TMEM245: variants seen among roughly 807,000 people sequenced by gnomAD.
TMEM245 encodes the protein protein CG-2.
TMEM245 carries 69 observed loss-of-function variants against 101.2 expected under a neutral mutation model. That is an observed-to-expected ratio of 0.68 (90% CI 0.56 to 0.83). TMEM245 has a LOEUF of 0.83. TMEM245 is among the 40% of genes least tolerant of loss of function. The pLI is 0.00. For synonymous variants in TMEM245, 537 were observed against 449.8 expected (o/e 1.19, Z -2.45); for missense variants, 1,075 against 1,092.8 (o/e 0.98, Z 0.23).
rs138089477 is a variant in TMEM245, at chr9:109,081,332, G to A, written c.1345-389C>T. Among the ~76,000 whole-genome samples, 171 of 152,112 alleles carry A rather than the reference G, an allele frequency of 1.1e-3. 5 individuals carry two copies. In the East Asian group the frequency reaches 0.029, roughly 26 times the overall value. ...TATCATCAGTTTAACAAATACACAC[G>A]ACTTTAGCAAAAGTATATACAGATA... On this transcript the variant is annotated intron_variant, in intron 7 of 17. Coordinates refer to ENST00000374586, the MANE Select transcript of TMEM245 (RefSeq NM_032012.4).
In TMEM245 at chr9:109,119,652, C is replaced by G; in HGVS notation, c.262G>C (p.Val88Leu). The change falls in exon 1 of 18, where the codon GTG becomes CTG. Residue 88 changes from valine to leucine, a missense_variant. Val to Leu is a conservative substitution (Grantham distance 32). This residue lies in a region of TMEM245 where 808 missense variants were observed against 741.5 expected (regional missense o/e 1.09). Transcript: ENST00000374586. ...EAFLRPLLWA[V>L]LCGTFLHPFK... ...GGGTGCAGAAAAGTGCCGCATAGCA[C>G]GGCCCAGAGCAGCGGCCGCAGGAAG... The G allele has an allele frequency of 6.4e-7, 1 of 1,557,306 alleles. No individual in the cohort carries two copies. The highest frequency in any genetic ancestry group is 8.7e-7 in the Non-Finnish European group (1 of 1,153,322).
intron 17 of TMEM245, among the ~76,000 whole-genome samples, chr9:109,025,680 A>C (rs1564166670): frequency 6.6e-6 from 1 of 152,238 alleles, no homozygotes; most frequent in Non-Finnish European, 1.5e-5. Context: ...AAGTCTATCA[A>C]AGCAAGTCTG....
intron 7 of TMEM245, among the ~76,000 whole-genome samples, chr9:109,082,843 A>T (rs1409038355): frequency 3.3e-5 from 5 of 152,164 alleles, no homozygotes; most frequent in African/African-American, 1.2e-4. Flanking sequence ...ACAAGCCATA[A>T]AGGTTGAAAA....
chr9:109,071,440 CA>C (rs1397462267), intron 9 of TMEM245, among the ~76,000 whole-genome samples: 1 of 151,318 alleles, frequency 6.6e-6, no homozygotes, highest in African/African-American at 2.4e-5. Flanking sequence ...GAAACTCCTA[CA>C]AAAAATATAA....
At chr9:109,068,258 T>C (rs948634516) in intron 9 of TMEM245, among the ~76,000 whole-genome samples, 1 of 151,496 alleles carries the variant, frequency 6.6e-6, no homozygotes, top group Non-Finnish European at 1.5e-5. Context: ...TAGTCCCAGC[T>C]ACTCGGGAGG....
At chr9:109,057,089 T>A in intron 12 of TMEM245, 102 bp downstream of exon 12, 1 of 1,304,750 alleles carries the variant, frequency 7.7e-7, no homozygotes, top group Non-Finnish European at 1.0e-6. Context: ...GTCATGATGT[T>A]AAAAACAGGA....
chr9:109,073,157 T>C (rs1249498902), intron 9 of TMEM245, 199 bp downstream of exon 9: 4 of 560,356 alleles, frequency 7.1e-6, no homozygotes, highest in Non-Finnish European at 1.3e-5. Flanking sequence ...CCATGAATTG[T>C]ACCTAAAATC....
intron 17 of TMEM245, among the ~76,000 whole-genome samples, chr9:109,032,416 G>A (rs1255447813): frequency 3.2e-5 from 3 of 94,904 alleles, no homozygotes; most frequent in Admixed American, 3.2e-4. Flanking sequence ...CAAGAGTCTC[G>A]CTCTGTCACC....
At chr9:109,049,309 C>A (rs991979720) in intron 14 of TMEM245, among the ~76,000 whole-genome samples, 3 of 152,170 alleles carry the variant, frequency 2.0e-5, no homozygotes, top group Admixed American at 6.5e-5. Context: ...ATCTTCCAGG[C>A]TCAAGCAATC....
At chr9:109,028,531 AT>A (rs1448559875) in intron 17 of TMEM245, among the ~76,000 whole-genome samples, 1 of 151,850 alleles carries the variant, frequency 6.6e-6, no homozygotes, top group Non-Finnish European at 1.5e-5. Flanking sequence ...AAAATTTCTG[AT>A]TCTGGAGAGT....
At chr9:109,098,146 G>A (rs555790980) in intron 3 of TMEM245, among the ~76,000 whole-genome samples, 68 of 152,156 alleles carry the variant, frequency 4.5e-4, no homozygotes, top group Non-Finnish European at 7.6e-4. Context: ...TCTCCACAGA[G>A]CTAAGCAAAA....
chr9:109,066,463 A>T (rs1829169252), intron 9 of TMEM245, among the ~76,000 whole-genome samples: 1 of 150,924 alleles, frequency 6.6e-6, no homozygotes, highest in Admixed American at 6.6e-5. Context: ...AAAAAAAAAA[A>T]AAAAAAAAAA....
At chr9:109,113,320 T>C (rs1356802294) in intron 1 of TMEM245, among the ~76,000 whole-genome samples, 1 of 152,172 alleles carries the variant, frequency 6.6e-6, no homozygotes, top group African/African-American at 2.4e-5. Context: ...CACGGAAACA[T>C]GAGGTTAACA....
At chr9:109,042,306 G>A (rs1208500250) in intron 14 of TMEM245, 2 of 152,024 alleles carry the variant, frequency 1.3e-5, no homozygotes, top group Non-Finnish European at 2.9e-5. Context: ...TAATTCAGAA[G>A]TCCTAAAACC....
chr9:109,089,547 A>C (rs1417444710), intron 5 of TMEM245, among the ~76,000 whole-genome samples: 1 of 152,222 alleles, frequency 6.6e-6, no homozygotes, highest in Non-Finnish European at 1.5e-5. Flanking sequence ...GGTACTCAGA[A>C]GGCAAAATCC....
At chr9:109,117,278 T>TA (rs1588087106) in intron 1 of TMEM245, among the ~76,000 whole-genome samples, 1 of 148,744 alleles carries the variant, frequency 6.7e-6, no homozygotes, top group East Asian at 2.0e-4. Context: ...CCCAGCTAAT[T>TA]TTTTTTTTTT....
rs922558446 is a variant in TMEM245, at chr9:109,057,293, T to C, written c.1752A>G (p.Gly584=). ...KNVTHSGRHK[G]QKLHVSRQNS... ...TCTGACGACTGACATGCAACTTCTG[T>C]CCTTTGTGCCTTCCAGAGTGTGTTA... Residue 584 remains glycine, a synonymous_variant, in exon 12 of 18, where the codon GGA becomes GGG. Coordinates refer to ENST00000374586, the MANE Select transcript of TMEM245 (RefSeq NM_032012.4). The C allele has an allele frequency of 1.9e-6, 3 of 1,614,120 alleles. No individual in the cohort carries two copies. The highest frequency in any genetic ancestry group is 1.7e-6 in the Non-Finnish European group (2 of 1,179,972).
In TMEM245 at chr9:109,093,526, T is replaced by C. The variant is rs776056667; in HGVS notation, c.865A>G (p.Ile289Val). ...ASTLANLAIS[I>V]TGYESSSEDQ... is the part of the protein sequence containing the mutation. ...TCACTGCTTGATTCATACCCTGTGA[T>C]AGAGATGGCCAAGTTTGCCAGAGTA... The change falls in exon 4 of 18, where the codon ATC becomes GTC. Residue 289 changes from isoleucine (I) to valine (V), a missense_variant. Ile to Val is a conservative substitution (Grantham distance 29). This residue lies in a region of TMEM245 where 808 missense variants were observed against 741.5 expected (regional missense o/e 1.09). Transcript: ENST00000374586. The C allele has an allele frequency of 1.7e-5, 27 of 1,614,156 alleles. No homozygotes were observed. The highest frequency in any genetic ancestry group is 1.6e-4 in the Middle Eastern group (1 of 6,062).
chr9:109,039,400 A>G (rs1828236060), intron 14 of TMEM245: 1 of 152,236 alleles, frequency 6.6e-6, no homozygotes, highest in African/African-American at 2.4e-5. Flanking sequence ...GAGCAAAAAG[A>G]AAACAACAGA....
Sources: allele counts gnomAD v4.1 joint callset (sites outside exome capture counted in the v4.1 genomes callset), GRCh38; gene constraint gnomAD v4.1.1; regional missense constraint gnomAD v4.1.1; transcripts MANE v1.5; gene names NCBI Gene and HGNC (gene_info 2026-07-23, HGNC 2026-07-21).